Variants in RBFOX1 observed in about 807,000 individuals in gnomAD.
RBFOX1 encodes the protein RNA binding protein fox-1 homolog 1.
Under a neutral mutation model 57.7 loss-of-function variants are expected in RBFOX1, and 8 were observed. The ratio of observed to expected loss-of-function variants is 0.14; its 90% CI spans 0.08 to 0.25. RBFOX1 has a LOEUF of 0.25. RBFOX1 is among the 10% of genes least tolerant of loss of function. The pLI is 1.00. For synonymous variants in RBFOX1, 326 were observed against 222.4 expected, an observed-to-expected ratio of 1.47 and a Z score of -4.15; for missense variants, 611 against 548.5, an observed-to-expected ratio of 1.11 and a Z score of -1.14.
At chr16:6,469,530 C>T (rs1057131861) in intron 2 of RBFOX1, among the ~76,000 whole-genome samples, 5 of 152,264 alleles carry the variant, frequency 3.3e-5, no homozygotes, top group East Asian at 3.9e-4. Flanking sequence ...AAGACAAATA[C>T]GGGGTGAGAC....
intron 3 of RBFOX1, among the ~76,000 whole-genome samples, chr16:5,745,483 A>G (rs2052942319): frequency 6.6e-6 from 1 of 152,114 alleles, no homozygotes; most frequent in Non-Finnish European, 1.5e-5. Context: ...GGGTCAAATG[A>G]TATTTCTAGT....
At chr16:6,731,912 A>C (rs1440925186) in intron 3 of RBFOX1, among the ~76,000 whole-genome samples, 1 of 152,160 alleles carries the variant, frequency 6.6e-6, no homozygotes, top group Non-Finnish European at 1.5e-5. Flanking sequence ...GTTTTCTTGC[A>C]CAGCCAGTTA....
At chr16:7,640,241 G>A (rs11647782) in intron 11 of RBFOX1, among the ~76,000 whole-genome samples, 147,472 of 152,296 alleles carry the variant, frequency 0.97, 71,583 homozygotes, top group Middle Eastern at 1. Context: ...TTCCAAGAAA[G>A]AATTAAAACC....
chr16:5,340,235 C>G (rs1296316825), intron 1 of RBFOX1, among the ~76,000 whole-genome samples: 1 of 152,182 alleles, frequency 6.6e-6, no homozygotes, highest in Non-Finnish European at 1.5e-5. Flanking sequence ...ACCCAGAGCA[C>G]ATTGTCCTCT....
At chr16:6,872,109 T>C (rs1454300444) in intron 3 of RBFOX1, among the ~76,000 whole-genome samples, 3 of 152,284 alleles carry the variant, frequency 2.0e-5, no homozygotes, top group East Asian at 3.9e-4. Flanking sequence ...TAATGGTACC[T>C]GTTATGTTTT....
intron 1 of RBFOX1, among the ~76,000 whole-genome samples, chr16:6,144,019 G>A (rs1053098007): frequency 2.0e-5 from 3 of 149,228 alleles, no homozygotes; most frequent in Non-Finnish European, 3.0e-5. Context: ...GGCTGGTTTC[G>A]AACTCCTGGC....
At chr16:6,390,465 C>T (rs1393325695) in intron 2 of RBFOX1, among the ~76,000 whole-genome samples, 3 of 151,652 alleles carry the variant, frequency 2.0e-5, no homozygotes, top group African/African-American at 7.3e-5. Context: ...GTGTGCCGGG[C>T]ACTGTGTTTG....
At chr16:6,849,444 G>C (rs946924808) in intron 3 of RBFOX1, among the ~76,000 whole-genome samples, 1 of 152,200 alleles carries the variant, frequency 6.6e-6, no homozygotes, top group African/African-American at 2.4e-5. Flanking sequence ...GAGGCTGGTA[G>C]ATCACTTGAG....
intron 4 of RBFOX1, among the ~76,000 whole-genome samples, chr16:7,189,929 A>T (rs1463417370): frequency 6.6e-6 from 1 of 152,244 alleles, no homozygotes; most frequent in African/African-American, 2.4e-5. Context: ...GAAATAGAAG[A>T]GCTTGGGCAA....
Position 5,779,165 on chromosome 16 carries a change from C to T in RBFOX1, c.319-88138C>T, listed in dbSNP as rs183167228. Among the ~76,000 whole-genome samples the T allele has an allele frequency of 7.6e-4, 115 of 152,152 alleles. 1 individual carries two copies. The highest frequency in any genetic ancestry group is 5.8e-3 in the South Asian group (28 of 4,816). On this transcript the variant is annotated intron_variant, in intron 3 of 19. Coordinates refer to the RBFOX1 transcript ENST00000641259. The stretch of plus-strand genomic sequence containing the variant: ...AAATAAATTGCATACCCACTTTTTG[C>T]GAAATGACTGTTAGGTCAGCTTTCC...
chr16:5,504,747 C>T (rs2043321583), intron 2 of RBFOX1, among the ~76,000 whole-genome samples: 1 of 152,210 alleles, frequency 6.6e-6, no homozygotes, highest in Non-Finnish European at 1.5e-5. Flanking sequence ...AAGGAACCCT[C>T]ACCAGCCCCA....
intron 2 of RBFOX1, among the ~76,000 whole-genome samples, chr16:6,426,290 T>C (rs1418265): frequency 0.038 from 5,563 of 145,626 alleles, 135 homozygotes; most frequent in South Asian, 0.063. Flanking sequence ...GAGAGAAGGG[T>C]GAAGAAGGGA....
chr16:6,829,593 G>A (rs1212057725), intron 3 of RBFOX1, among the ~76,000 whole-genome samples: 1 of 151,644 alleles, frequency 6.6e-6, no homozygotes, highest in African/African-American at 2.4e-5. Flanking sequence ...TAATATGAAT[G>A]TATTTTCTTT....
chr16:6,844,508 T>C (rs775947889), intron 3 of RBFOX1, among the ~76,000 whole-genome samples: 37 of 152,322 alleles, frequency 2.4e-4, no homozygotes, highest in African/African-American at 8.4e-4. Flanking sequence ...GCAGAAGATA[T>C]GACCTTATTC....
intron 4 of RBFOX1, among the ~76,000 whole-genome samples, chr16:7,207,802 C>A (rs983621613): frequency 6.6e-5 from 10 of 152,166 alleles, no homozygotes; most frequent in African/African-American, 2.2e-4. Context: ...GAATGTGCAG[C>A]AATAGAACGA....
At chr16:7,091,096 G>C (rs756266307) in intron 4 of RBFOX1, among the ~76,000 whole-genome samples, 1 of 151,612 alleles carries the variant, frequency 6.6e-6, no homozygotes, top group Non-Finnish European at 1.5e-5. Context: ...TACTACAATA[G>C]GTATTTGTTT....
chr16:5,831,993 C>A (rs1230458844), intron 3 of RBFOX1, among the ~76,000 whole-genome samples: 1 of 152,148 alleles, frequency 6.6e-6, no homozygotes, highest in African/African-American at 2.4e-5. Flanking sequence ...GATGTTAGCA[C>A]TTTCATCCTA....
At chr16:6,748,439 T>C (rs1163408940) in intron 3 of RBFOX1, among the ~76,000 whole-genome samples, 1 of 152,092 alleles carries the variant, frequency 6.6e-6, no homozygotes, top group Admixed American at 6.6e-5. Context: ...GGCAGGAGGA[T>C]TGCATAAGCC....
chr16:7,076,837 A>T (rs1337295973), intron 4 of RBFOX1, among the ~76,000 whole-genome samples: 1 of 152,230 alleles, frequency 6.6e-6, no homozygotes, highest in African/African-American at 2.4e-5. Context: ...GGGGATAATG[A>T]CACAGTTTCT....
Sources: allele counts gnomAD v4.1 joint callset (sites outside exome capture counted in the v4.1 genomes callset), GRCh38; gene constraint gnomAD v4.1.1; transcripts MANE v1.5; gene names NCBI Gene and HGNC (gene_info 2026-07-23, HGNC 2026-07-21).